Variants in SAE1 observed in about 807,000 individuals in gnomAD.
SAE1 encodes the protein SUMO-activating enzyme subunit 1.
SAE1 carries 11 observed loss-of-function variants against 40.6 expected under a neutral mutation model. That is an observed-to-expected ratio of 0.27 (90% CI 0.17 to 0.45). The LOEUF is 0.45. SAE1 is among the 20% of genes least tolerant of loss of function. The probability of loss-of-function intolerance (pLI) is 1.00; values close to 1 mark genes in which losing one functional copy is unlikely to be tolerated. For missense variants in SAE1, 373 were observed against 427.3 expected (o/e 0.87, Z 1.12); for synonymous variants, 155 against 154.3 (o/e 1.00, Z -0.03).
intron 5 of SAE1, among the ~76,000 whole-genome samples, chr19:47,162,084 G>T (rs1408888455): frequency 6.6e-6 from 1 of 152,218 alleles, no homozygotes; most frequent in African/African-American, 2.4e-5. Context: ...CATCTGTATT[G>T]CATAGCACAG....
At chr19:47,139,647 G>T (rs2058205740) in intron 1 of SAE1, among the ~76,000 whole-genome samples, 2 of 147,954 alleles carry the variant, frequency 1.4e-5, no homozygotes, top group Admixed American at 1.4e-4. Context: ...GGAGTGCAGT[G>T]GCGCGATCTC....
chr19:47,192,751 G>C (rs1472788087), intron 6 of SAE1, among the ~76,000 whole-genome samples: 1 of 151,922 alleles, frequency 6.6e-6, no homozygotes, highest in African/African-American at 2.4e-5. Context: ...TGTTGGCCAG[G>C]CTGGTCTCAA....
chr19:47,179,090 G>C (rs1254756138), intron 6 of SAE1, among the ~76,000 whole-genome samples: 2 of 151,530 alleles, frequency 1.3e-5, no homozygotes, highest in East Asian at 1.9e-4. Flanking sequence ...TACTTGGGAG[G>C]CTGAGGCAGG....
At chr19:47,163,329 CAT>C (rs1467320527) in intron 5 of SAE1, among the ~76,000 whole-genome samples, 2 of 151,794 alleles carry the variant, frequency 1.3e-5, no homozygotes, top group Non-Finnish European at 2.9e-5. Context: ...CTGTACCAAA[CAT>C]GTACAGACTT....
chr19:47,193,846 A>G (rs969069824), intron 6 of SAE1, among the ~76,000 whole-genome samples: 1 of 92,970 alleles, frequency 1.1e-5, no homozygotes, highest in Non-Finnish European at 2.2e-5. Flanking sequence ...AAAAAGAAAG[A>G]AAAGAAAAAG....
rs1021444447 is a variant in SAE1 at position 47,139,534 on chromosome 19, T to G, written c.99-3960T>G. ...ACGATGGTGGCTCAGACTAGAGTGG[T>G]GTTTGTGGAACTTGAGGGAAGTAGA... On this transcript the variant is annotated intron_variant, in intron 1 of 8. Transcript: ENST00000270225. Among the ~76,000 whole-genome samples, 3 of 151,584 alleles carry G rather than the reference T, an allele frequency of 2.0e-5. No homozygotes were observed. In the Admixed American group the frequency reaches 2.0e-4, roughly 10 times the overall value.
intron 5 of SAE1, among the ~76,000 whole-genome samples, chr19:47,165,633 G>T (rs2058387694): frequency 1.3e-5 from 2 of 152,334 alleles, no homozygotes; most frequent in Admixed American, 1.3e-4. Context: ...TGAAGGCATT[G>T]TCGGGTGTAT....
intron 6 of SAE1, among the ~76,000 whole-genome samples, chr19:47,170,503 C>CT (rs34836827): frequency 0.57 from 47,555 of 84,004 alleles, 16,221 homozygotes; most frequent in Non-Finnish European, 0.68. Context: ...CGCCCCCCGC[C>CT]TTTTTTTTTT....
At chr19:47,205,722 C>T (rs552182068) in intron 8 of SAE1, among the ~76,000 whole-genome samples, 97 of 152,308 alleles carry the variant, frequency 6.4e-4, no homozygotes, top group African/African-American at 2.2e-3. Context: ...GTCTGCCACA[C>T]AAAGACAGTG....
chr19:47,169,770 G>C (rs1422984590), intron 5 of SAE1, 48 bp from the exon 6 acceptor site: 1 of 1,252,846 alleles, frequency 8.0e-7, no homozygotes, highest in African/African-American at 1.5e-5. Context: ...CCTTGTGATT[G>C]GAAGCCAGCA....
chr19:47,207,177 G>T (rs1312171842), intron 8 of SAE1, among the ~76,000 whole-genome samples: 5 of 152,124 alleles, frequency 3.3e-5, no homozygotes, highest in Admixed American at 6.5e-5. Flanking sequence ...GGAGACGGAG[G>T]TTGCAGTAAG....
At chr19:47,206,645 G>A (rs971098485) in intron 8 of SAE1, among the ~76,000 whole-genome samples, 3 of 152,154 alleles carry the variant, frequency 2.0e-5, no homozygotes, top group Non-Finnish European at 4.4e-5. Flanking sequence ...GCCATCCCAG[G>A]TTCATGGTAA....
intron 3 of SAE1, among the ~76,000 whole-genome samples, chr19:47,151,808 G>C (rs756855446): frequency 3.3e-5 from 5 of 152,210 alleles, no homozygotes; most frequent in Non-Finnish European, 7.3e-5. Flanking sequence ...AACTTGTAGA[G>C]TTAGAGGGTT....
chr19:47,196,852 T>C (rs1435365531), intron 6 of SAE1, among the ~76,000 whole-genome samples: 2 of 151,916 alleles, frequency 1.3e-5, no homozygotes, highest in Admixed American at 6.6e-5. Flanking sequence ...GCTTTTATAA[T>C]TATTGGATTG....
chr19:47,204,187 C>CTTTTTTTTTTTTTTTT (rs57736880), intron 8 of SAE1, among the ~76,000 whole-genome samples: 2 of 82,126 alleles, frequency 2.4e-5, no homozygotes, highest in African/African-American at 1.2e-4. Context: ...AAAGCCCTCC[C>CTTTTTTTTTTTTTTTT]TTTTTTTTTT....
At chr19:47,138,657 A>T (rs906970246) in intron 1 of SAE1, among the ~76,000 whole-genome samples, 1 of 152,152 alleles carries the variant, frequency 6.6e-6, no homozygotes, top group Admixed American at 6.6e-5. Context: ...TGGAGTTTAC[A>T]TTCTAATGGA....
At chr19:47,198,987 C>G (rs2058634226) in intron 7 of SAE1, among the ~76,000 whole-genome samples, 1 of 152,150 alleles carries the variant, frequency 6.6e-6, no homozygotes, top group African/African-American at 2.4e-5. Context: ...ACTCTGGAGG[C>G]TGAGGCTAGA....
chr19:47,196,080 C>T (rs1304387423), intron 6 of SAE1, among the ~76,000 whole-genome samples: 2 of 147,566 alleles, frequency 1.4e-5, no homozygotes, highest in Non-Finnish European at 3.0e-5. Flanking sequence ...GAGTCTCGCT[C>T]TGTTGCCCAG....
intron 6 of SAE1, among the ~76,000 whole-genome samples, chr19:47,172,555 T>G (rs1295223764): frequency 2.0e-5 from 3 of 151,922 alleles, no homozygotes; most frequent in African/African-American, 7.3e-5. Context: ...AATACAAAAA[T>G]TAGCCGGATG....
Sources: allele counts gnomAD v4.1 joint callset (sites outside exome capture counted in the v4.1 genomes callset), GRCh38; gene constraint gnomAD v4.1.1; transcripts MANE v1.5; gene names NCBI Gene and HGNC (gene_info 2026-07-23, HGNC 2026-07-21).